The following SLC30A9 variants were observed in gnomAD, a reference collection of about 807,000 sequenced individuals.
SLC30A9 encodes the protein proton-coupled zinc antiporter SLC30A9, mitochondrial.
A neutral mutation model predicts 87.5 loss-of-function variants in SLC30A9; 58 were observed. That is an observed-to-expected ratio of 0.66 (90% CI 0.54 to 0.82). SLC30A9 has a LOEUF of 0.82. SLC30A9 is among the 40% of genes least tolerant of loss of function. SLC30A9 has a pLI of 0.00. For missense variants in SLC30A9, 557 were observed against 679.1 expected, an observed-to-expected ratio of 0.82 and a Z score of 2.00; for synonymous variants, 234 against 233.0, an observed-to-expected ratio of 1.00 and a Z score of -0.04.
intron 2 of SLC30A9, among the ~76,000 whole-genome samples, chr4:42,017,496 A>G (rs138640985): frequency 6.6e-6 from 1 of 152,134 alleles, no homozygotes; most frequent in Non-Finnish European, 1.5e-5. Context: ...TGTACCATAA[A>G]AGTATTCTGT....
chr4:42,066,400 A>C, intron 12 of SLC30A9, 150 bp from the exon 13 acceptor site: 1 of 462,010 alleles, frequency 2.2e-6, no homozygotes, highest in African/African-American at 2.0e-5. Flanking sequence ...ATAATGATTA[A>C]TTGATAACAA....
In SLC30A9 at chr4:42,048,173, C is replaced by T. The variant is rs969837192; in HGVS notation, c.738-1204C>T. On this transcript the variant is annotated intron_variant, in intron 8 of 17. Coordinates refer to ENST00000264451, the MANE Select transcript of SLC30A9 (RefSeq NM_006345.4). ...GCAAACCACCATGGCACATGTATAC[C>T]TATGTAACAAACCTGCACATTCTGC... 3.3e-5 allele frequency among the ~76,000 whole-genome samples: 5 copies of T among 152,120 alleles called. No individual in the cohort carries two copies. The East Asian group carries it at 9.7e-4, about 29-fold the overall frequency.
chr4:41,995,067 G>A (rs1714639468), intron 1 of SLC30A9, among the ~76,000 whole-genome samples: 1 of 151,952 alleles, frequency 6.6e-6, no homozygotes, highest in Admixed American at 6.6e-5. Context: ...AGACCAGCCT[G>A]GCCAACATGG....
intron 1 of SLC30A9, among the ~76,000 whole-genome samples, chr4:41,991,546 T>A (rs1714442135): frequency 6.6e-6 from 1 of 152,234 alleles, no homozygotes; most frequent in African/African-American, 2.4e-5. Context: ...TGATAGGATC[T>A]CTGAGGGAGA....
chr4:42,075,959 G>A (rs996831085), intron 16 of SLC30A9, among the ~76,000 whole-genome samples, 173 bp downstream of exon 16: 4 of 152,080 alleles, frequency 2.6e-5, no homozygotes, highest in African/African-American at 9.7e-5. Flanking sequence ...AGAGGAGACA[G>A]CAAAAGAACA....
At chr4:42,057,136 G>C (rs1717655507) in intron 9 of SLC30A9, among the ~76,000 whole-genome samples, 1 of 152,210 alleles carries the variant, frequency 6.6e-6, no homozygotes, top group African/African-American at 2.4e-5. Context: ...TTTTCCAGGT[G>C]CACTGTGCAA....
intron 12 of SLC30A9, among the ~76,000 whole-genome samples, chr4:42,066,087 C>G (rs1191904249): frequency 6.6e-6 from 1 of 152,116 alleles, no homozygotes; most frequent in Non-Finnish European, 1.5e-5. Flanking sequence ...CTGCCTGATT[C>G]ACTGCTGTGC....
At chr4:42,060,107 GC>G (rs1368676997) in intron 9 of SLC30A9, 83 bp from the exon 10 acceptor site, 1 of 1,015,484 alleles carries the variant, frequency 9.8e-7, no homozygotes, top group African/African-American at 1.6e-5. Flanking sequence ...GTCATTGTTA[GC>G]CTGCACCCTC....
intron 9 of SLC30A9, among the ~76,000 whole-genome samples, chr4:42,052,135 G>C (rs1012802787): frequency 6.6e-6 from 1 of 151,892 alleles, no homozygotes; most frequent in Admixed American, 6.6e-5. Context: ...CAAATAAATG[G>C]GGAAGGAAAT....
At chr4:42,069,030 G>T in intron 14 of SLC30A9, among the ~76,000 whole-genome samples, 1 of 152,150 alleles carries the variant, frequency 6.6e-6, no homozygotes, top group East Asian at 1.9e-4. Flanking sequence ...CATTCTGAGT[G>T]TGCATTTTAA....
rs1365277977 is a variant in SLC30A9 at position 42,021,935 on chromosome 4, T to G, written c.435-903T>G. ...CTGGCTAATTTTTTTTTTTTTTTTTTTTTTTTTTTTTGAGACGGAGTCTCG... is the reference window on the plus strand; with the variant it reads ...CTGGCTAATTTTTTTTTTTTTTTTTGTTTTTTTTTTTGAGACGGAGTCTCG... On this transcript the variant is annotated intron_variant, in intron 4 of 17. Coordinates refer to ENST00000264451, the MANE Select transcript of SLC30A9 (RefSeq NM_006345.4). 0.022 allele frequency among the ~76,000 whole-genome samples: 561 copies of G among 25,012 alleles called. 26 individuals carry two copies. In the East Asian group the frequency reaches 0.23, roughly 10 times the overall value. 16.4% of individuals were successfully genotyped at this position (25,012 alleles called of 152,430 possible).
chr4:42,048,674 A>G (rs1459100951), intron 8 of SLC30A9, among the ~76,000 whole-genome samples: 1 of 152,098 alleles, frequency 6.6e-6, no homozygotes, highest in African/African-American at 2.4e-5. Flanking sequence ...CCTTAAGTAA[A>G]CAGATTTTCA....
At chr4:42,073,672 G>A (rs760431673) in intron 15 of SLC30A9, among the ~76,000 whole-genome samples, 1 of 152,264 alleles carries the variant, frequency 6.6e-6, no homozygotes, top group South Asian at 2.1e-4. Context: ...ATGATTGTTC[G>A]CAAGATTTAG....
intron 2 of SLC30A9, among the ~76,000 whole-genome samples, chr4:42,004,525 T>C (rs1715114590): frequency 6.6e-6 from 1 of 152,170 alleles, no homozygotes; most frequent in South Asian, 2.1e-4. Flanking sequence ...TCTTTACCTT[T>C]CTGGCCTGCA....
Position 42,035,506 on chromosome 4 carries a change from T to C in SLC30A9, c.669+173T>C, listed in dbSNP as rs548978609. On this transcript the variant is annotated intron_variant, in intron 7 of 17. Coordinates refer to ENST00000264451, the MANE Select transcript of SLC30A9 (RefSeq NM_006345.4). ...CATTTCCGTCTGATTTTCCTTTTTT[T>C]TTTTTTTTGAGACAGAGTTTTGCTC... 5.3e-5 allele frequency among the ~76,000 whole-genome samples: 8 copies of C among 152,208 alleles called. No homozygotes were observed. In the South Asian group the frequency reaches 1.2e-3, roughly 24 times the overall value.
intron 14 of SLC30A9, among the ~76,000 whole-genome samples, chr4:42,069,732 T>A (rs1718232331): frequency 6.6e-6 from 1 of 152,234 alleles, no homozygotes; most frequent in Non-Finnish European, 1.5e-5. Context: ...AAATATTACC[T>A]ATACATTCAT....
intron 8 of SLC30A9, among the ~76,000 whole-genome samples, chr4:42,039,971 G>A (rs1207698582): frequency 6.6e-6 from 1 of 152,014 alleles, no homozygotes; most frequent in Non-Finnish European, 1.5e-5. Context: ...AGGATTGGAG[G>A]GACACTAAAC....
Position 42,020,418 on chromosome 4 carries a change from A to T in SLC30A9, c.337A>T (p.Lys113Ter). The change falls in exon 4 of 18, where the codon AAA (lysine) becomes TAA (stop). Residue 113 changes from lysine to a stop codon, truncating the protein, a stop_gained and splice_region_variant. Coordinates refer to ENST00000264451, the MANE Select transcript of SLC30A9 (RefSeq NM_006345.4). LOFTEE classifies it high-confidence loss of function. ...ATGTTTTCCTGTTTTTTGTTTAGTT[A>T]AAGCAGTCCTTAAGAAAAGGGAGTA... is the stretch of plus-strand genomic sequence containing the variant. ...LKQEPLQVRV[K>*]AVLKKREYGS... 6.8e-7 allele frequency: 1 copy of T among 1,462,980 alleles called. No homozygotes were observed. The highest frequency in any genetic ancestry group is 9.5e-7 in the Non-Finnish European group (1 of 1,049,544). 90.6% of individuals were successfully genotyped at this position (1,462,980 alleles called of 1,614,324 possible).
rs757923517 is a variant in SLC30A9 at position 42,075,699 on chromosome 4, A to G, written c.1461A>G (p.Lys487=). The change falls in exon 16 of 18, where the codon AAA becomes AAG. Residue 487 remains lysine, a synonymous_variant. Coordinates refer to ENST00000264451, the MANE Select transcript of SLC30A9 (RefSeq NM_006345.4). ...AAGCCACAGATCTGGGATTAGGTAA[A>G]GTAAGATTTAAGGCAGAAGTAGATT... ...DVKATDLGLG[K]VRFKAEVDFD... 2 of 1,613,666 alleles carry G rather than the reference A, an allele frequency of 1.2e-6. No homozygotes were observed. Among genetic ancestry groups the G allele is most frequent in the African/African-American group, 2.7e-5 (2 of 74,936 alleles).
Sources: gnomAD v4.1 joint callset for allele counts (sites outside exome capture counted in the v4.1 genomes callset) on GRCh38, gnomAD v4.1.1 for gene constraint, MANE v1.5 for transcripts, NCBI Gene and HGNC (gene_info 2026-07-23, HGNC 2026-07-21) for gene names.